ARHGAP22: variants seen among roughly 807,000 people sequenced by gnomAD.
ARHGAP22 encodes rho GTPase-activating protein 22.
Under a neutral mutation model 59.1 loss-of-function variants are expected in ARHGAP22, and 48 were observed. The ratio of observed to expected loss-of-function variants is 0.81; its 90% CI spans 0.64 to 1.03. The LOEUF is 1.03. ARHGAP22 is among the 50% of genes least tolerant of loss of function. The pLI, the probability that ARHGAP22 is intolerant of heterozygous loss-of-function variation, is 0.00. For missense variants in ARHGAP22, 1,015 were observed against 958.7 expected (o/e 1.06, Z -0.78); for synonymous variants, 445 against 416.4 (o/e 1.07, Z -0.84).
At chr10:48,620,035 C>A (rs1393904510) in intron 1 of ARHGAP22, among the ~76,000 whole-genome samples, 1 of 152,178 alleles carries the variant, frequency 6.6e-6, no homozygotes, top group East Asian at 1.9e-4. Flanking sequence ...TTGCAAACAA[C>A]CTGGAAAGCT....
chr10:48,511,824 C>A (rs1005167773), intron 3 of ARHGAP22, among the ~76,000 whole-genome samples: 5 of 152,226 alleles, frequency 3.3e-5, no homozygotes, highest in African/African-American at 1.2e-4. Flanking sequence ...AGCACTGAAC[C>A]AGCTTGTCAA....
At chr10:48,615,352 T>G (rs1029303862) in intron 1 of ARHGAP22, among the ~76,000 whole-genome samples, 1 of 152,162 alleles carries the variant, frequency 6.6e-6, no homozygotes, top group Non-Finnish European at 1.5e-5. Flanking sequence ...ATTAAGCTAA[T>G]GGAACAAAGA....
At chr10:48,536,259 G>C (rs2055343273) in intron 3 of ARHGAP22, among the ~76,000 whole-genome samples, 1 of 152,226 alleles carries the variant, frequency 6.6e-6, no homozygotes, top group Admixed American at 6.5e-5. Flanking sequence ...TGGCCTTGGT[G>C]TTGCCAATGA....
intron 9 of ARHGAP22, among the ~76,000 whole-genome samples, chr10:48,447,734 G>C (rs527977181): frequency 1.3e-4 from 20 of 152,180 alleles, no homozygotes; most frequent in Non-Finnish European, 2.5e-4. Context: ...CAGCATCTCT[G>C]ACTTAAAGGG....
chr10:48,650,847 C>T (rs1162049384), intron 1 of ARHGAP22, among the ~76,000 whole-genome samples: 1 of 152,174 alleles, frequency 6.6e-6, no homozygotes, highest in Non-Finnish European at 1.5e-5. Context: ...CAGCTGCTCC[C>T]CCACCCCCTA....
At chr10:48,487,803 A>G (rs1413923810) in intron 3 of ARHGAP22, among the ~76,000 whole-genome samples, 1 of 152,210 alleles carries the variant, frequency 6.6e-6, no homozygotes, top group African/African-American at 2.4e-5. Context: ...ACAGTGGCTC[A>G]CGCCTGTAAT....
chr10:48,502,934 G>A (rs571989333), intron 3 of ARHGAP22, among the ~76,000 whole-genome samples: 6 of 152,300 alleles, frequency 3.9e-5, no homozygotes, highest in South Asian at 4.1e-4. Context: ...GAAGGATCCC[G>A]GGGGCCTACT....
chr10:48,578,219 G>A (rs1366746231), intron 2 of ARHGAP22, among the ~76,000 whole-genome samples: 1 of 152,070 alleles, frequency 6.6e-6, no homozygotes, highest in African/African-American at 2.4e-5. Flanking sequence ...TCTTTGAGGG[G>A]TTTTGTTTTG....
At chr10:48,472,322 G>C (rs1020793311) in intron 4 of ARHGAP22, among the ~76,000 whole-genome samples, 5 of 151,952 alleles carry the variant, frequency 3.3e-5, no homozygotes, top group African/African-American at 9.7e-5. Context: ...TCAGGAGTTC[G>C]AGACCAGCCT....
At chr10:48,485,863 A>C (rs1212519389) in intron 3 of ARHGAP22, among the ~76,000 whole-genome samples, 1 of 151,974 alleles carries the variant, frequency 6.6e-6, no homozygotes, top group African/African-American at 2.4e-5. Context: ...CATCCTTTTA[A>C]CTTATTTGTG....
chr10:48,635,029 G>T (rs2061759888), intron 1 of ARHGAP22, among the ~76,000 whole-genome samples: 2 of 152,152 alleles, frequency 1.3e-5, no homozygotes, highest in South Asian at 4.2e-4. Context: ...CATGTATGTT[G>T]TGAAAGCCCT....
intron 2 of ARHGAP22, among the ~76,000 whole-genome samples, chr10:48,560,696 G>T (rs2057630285): frequency 6.6e-6 from 1 of 152,058 alleles, no homozygotes; most frequent in African/African-American, 2.4e-5. Context: ...GGTTTGTTGA[G>T]AATTTTTATC....
chr10:48,583,802 C>T (rs1177631937), intron 1 of ARHGAP22, among the ~76,000 whole-genome samples: 1 of 152,192 alleles, frequency 6.6e-6, no homozygotes, highest in Non-Finnish European at 1.5e-5. Context: ...GGGGCTTCTT[C>T]TTCAGCTGTT....
chr10:48,529,284 G>A (rs1348374347), intron 3 of ARHGAP22, among the ~76,000 whole-genome samples: 2 of 152,146 alleles, frequency 1.3e-5, no homozygotes, highest in Non-Finnish European at 2.9e-5. Flanking sequence ...GACCAGGCAG[G>A]GCAATGTGTT....
chr10:48,611,787 C>T (rs114935465), intron 1 of ARHGAP22, among the ~76,000 whole-genome samples: 223 of 146,908 alleles, frequency 1.5e-3, no homozygotes, highest in African/African-American at 5.5e-3. Context: ...CCTCCTGCTC[C>T]TTTCCCTTCC....
chr10:48,613,579 G>A (rs2135985230), intron 1 of ARHGAP22, among the ~76,000 whole-genome samples: 1 of 152,050 alleles, frequency 6.6e-6, no homozygotes, highest in South Asian at 2.1e-4. Flanking sequence ...CATCTAAGTG[G>A]AGAAGTTTAG....
At chr10:48,607,638 C>G (rs1410755020), upstream of ARHGAP22, among the ~76,000 whole-genome samples, 1 of 152,166 alleles carries the variant, frequency 6.6e-6, no homozygotes, top group Non-Finnish European at 1.5e-5. Flanking sequence ...ATTTGAAGAA[C>G]CAGCCCTACT....
chr10:48,619,757 A>T (rs534055030), intron 1 of ARHGAP22, among the ~76,000 whole-genome samples: 2 of 152,330 alleles, frequency 1.3e-5, no homozygotes, highest in East Asian at 3.9e-4. Context: ...AAAAGAAAAC[A>T]TCGGGAAAAT....
At chr10:48,576,394 G>A (rs2058713609) in intron 2 of ARHGAP22, among the ~76,000 whole-genome samples, 2 of 152,098 alleles carry the variant, frequency 1.3e-5, no homozygotes, top group Non-Finnish European at 2.9e-5. Flanking sequence ...CCGTTTTTTG[G>A]TTATAGTTTT....
Sources: gnomAD v4.1 joint callset for allele counts (sites outside exome capture counted in the v4.1 genomes callset) on GRCh38, gnomAD v4.1.1 for gene constraint, MANE v1.5 for transcripts, NCBI Gene and HGNC (gene_info 2026-07-23, HGNC 2026-07-21) for gene names.